Variants in PER1 observed in about 807,000 individuals in gnomAD.
PER1 encodes the protein period circadian protein homolog 1.
PER1 carries 87 observed loss-of-function variants against 125.9 expected under a neutral mutation model. The ratio of observed to expected loss-of-function variants is 0.69; its 90% CI spans 0.58 to 0.83. The LOEUF is 0.83. PER1 is among the 40% of genes least tolerant of loss of function. PER1 has a pLI of 0.00. For missense variants in PER1, 1,775 were observed against 1,722.8 expected (o/e 1.03, Z -0.54); for synonymous variants, 801 against 714.7 (o/e 1.12, Z -1.93).
intron 22 of PER1, 108 bp downstream of exon 22, chr17:8,141,695 AAC>A (rs1344715633): frequency 3.9e-6 from 4 of 1,022,668 alleles, no homozygotes; most frequent in Non-Finnish European, 3.7e-6. Context: ...CGATCCCTTG[AAC>A]TTGAGCTCAA....
chr17:8,149,082 G>T, intron 7 of PER1, 177 bp downstream of exon 7: 1 of 655,406 alleles, frequency 1.5e-6, no homozygotes, highest in Non-Finnish European at 2.7e-6. Context: ...CCAGCTACTT[G>T]GGAGGCTGAG....
rs1982128134 is a variant in PER1 at position 8,142,261 on chromosome 17, TG to T, written c.3449+7del. 6.4e-7 allele frequency: 1 copy of T among 1,574,792 alleles called. No individual in the cohort carries two copies. The highest frequency in any genetic ancestry group is 1.4e-5 in the African/African-American group (1 of 73,402). On this transcript the variant is annotated splice_region_variant and intron_variant, in intron 21 of 22. Coordinates refer to ENST00000317276, the MANE Select transcript of PER1 (RefSeq NM_002616.3). Reference sequence around the variant, plus strand: ...AGGAAGGCCAAGAAGGCCTCTGAAATGCCTCACCTGGAGGGCACCTGGTAGG... The same window carrying T: ...AGGAAGGCCAAGAAGGCCTCTGAAATCCTCACCTGGAGGGCACCTGGTAGG...
intron 18 of PER1, chr17:8,144,088 A>C: frequency 1.4e-6 from 1 of 692,776 alleles, no homozygotes; most frequent in Non-Finnish European, 2.2e-6. Flanking sequence ...AGAAAGGAAC[A>C]AGGCCAGGGA....
rs774212714 is a variant in PER1 at position 8,146,643 on chromosome 17, C to T, written c.1858G>A (p.Ala620Thr). Residue 620 changes from alanine to threonine, a missense_variant, in exon 15 of 23, where the codon GCC becomes ACC. By Grantham distance (58) the Ala-to-Thr change is moderately conservative (BLOSUM62 0). Coordinates refer to ENST00000317276, the MANE Select transcript of PER1 (RefSeq NM_002616.3). ...ATCTGCTGGTAGGAGCAGCTGGAGG[C>T]TTCTTTCCTCTCGGCCTCCTCAGGG... is the stretch of plus-strand genomic sequence containing the variant. ...LVPEEAERKE[A>T]SSCSYQQINC... 6.2e-7 allele frequency: 1 copy of T among 1,613,654 alleles called. No homozygotes were observed. Among genetic ancestry groups the T allele is most frequent in the Admixed American group, 1.7e-5 (1 of 59,972 alleles).
rs761721919 is a variant in PER1 at position 8,147,379 on chromosome 17, G to A, written c.1500C>T (p.Pro500=). 2.7e-5 allele frequency: 44 copies of A among 1,613,550 alleles called. No homozygotes were observed. In the South Asian group the frequency reaches 3.2e-4, roughly 12 times the overall value. Residue 500 remains proline (P), a splice_region_variant and synonymous_variant, in exon 13 of 23, where the codon CCC becomes CCT. Coordinates refer to ENST00000317276, the MANE Select transcript of PER1 (RefSeq NM_002616.3). ...SEQIHRLLLQ[P]VHSPSPTGLC... ...GTCCCGTGGGGCTGGGGCTGTGGAC[G>A]GGCTGCAGCAGGGAGAGGGCAGGTT...
intron 17 of PER1, 139 bp downstream of exon 17, chr17:8,145,819 A>C (rs1334174155): frequency 2.4e-5 from 22 of 915,736 alleles, no homozygotes; most frequent in Non-Finnish European, 3.3e-5. Flanking sequence ...GGAGAGCAAG[A>C]AGCAGTAGCC....
At chr17:8,148,307 C>G in intron 8 of PER1, 48 bp from the exon 9 acceptor site, 1 of 1,452,330 alleles carries the variant, frequency 6.9e-7, no homozygotes, top group Non-Finnish European at 9.6e-7. Flanking sequence ...GAATGCCCAA[C>G]TCCTCAGCCC....
intron 1 of PER1, among the ~76,000 whole-genome samples, chr17:8,152,060 A>G (rs2151862509): frequency 6.6e-6 from 1 of 152,230 alleles, no homozygotes; most frequent in South Asian, 2.1e-4. Flanking sequence ...GAGCAAGAAG[A>G]CCGGGGCATG....
At chr17:8,149,089 T>A (rs1982651565) in intron 7 of PER1, 170 bp downstream of exon 7, 1 of 673,102 alleles carries the variant, frequency 1.5e-6, no homozygotes, top group Admixed American at 2.5e-5. Flanking sequence ...CTTGGGAGGC[T>A]GAGGCAGGAG....
At chr17:8,151,005 G>C (rs545611280) in intron 1 of PER1, among the ~76,000 whole-genome samples, 160 bp from the exon 2 acceptor site, 15 of 152,284 alleles carry the variant, frequency 9.9e-5, no homozygotes, top group African/African-American at 3.6e-4. Flanking sequence ...GATGTCTCCT[G>C]TACCCTTAGG....
chr17:8,146,524 G>A lies in PER1; in HGVS notation c.1908-22C>T, dbSNP rs768931512. 1.8e-5 allele frequency: 29 copies of A among 1,609,184 alleles called. 1 individual carries two copies. The South Asian group carries it at 3.2e-4, about 18-fold the overall frequency. ...GTACCTGGGGATGGACACAGCACAG[G>A]GCATCAGAGCAGGGCTTGGGGTGGG... On this transcript the variant is annotated intron_variant, in intron 15 of 22. Transcript: ENST00000317276.
intron 17 of PER1, 77 bp downstream of exon 17, chr17:8,145,881 G>C: frequency 6.8e-7 from 1 of 1,478,828 alleles, no homozygotes; most frequent in Non-Finnish European, 9.1e-7. Context: ...CCCTAGAGGG[G>C]AGGGGAAAGG....
intron 16 of PER1, 102 bp downstream of exon 16, chr17:8,146,270 G>A (rs1241819367): frequency 1.7e-5 from 26 of 1,521,308 alleles, no homozygotes; most frequent in Non-Finnish European, 2.1e-5. Flanking sequence ...AGGCTGGGGA[G>A]GAGAGCAGGG....
intron 14 of PER1, 56 bp from the exon 15 acceptor site, chr17:8,146,821 C>T: frequency 6.2e-7 from 1 of 1,605,674 alleles, no homozygotes; most frequent in Non-Finnish European, 8.5e-7. Context: ...TGGAAAAAAA[C>T]AGCAAATGGG....
rs1982203577 is a variant in PER1 at position 8,143,368 on chromosome 17, C to G, written c.2970G>C (p.Glu990Asp). 1 of 1,613,318 alleles carries G rather than the reference C, an allele frequency of 6.2e-7. No homozygotes were observed. The highest frequency in any genetic ancestry group is 1.3e-5 in the African/African-American group (1 of 75,008). Residue 990 changes from glutamate (E) to aspartate (D), a missense_variant, in exon 19 of 23, where the codon GAG (glutamate) becomes GAC (aspartate). Physicochemically the swap from Glu to Asp is conservative, Grantham distance 45 (BLOSUM62 2). Transcript: ENST00000317276. ...CAGCCCCCTCAGCACGGGGGAGCTC[C>G]TCCAGCTGCAGCAGATTGAGCTGGA... ...SPLQLNLLQL[E>D]ELPRAEGAAV...
rs767949507 is a variant in PER1 at position 8,143,861 on chromosome 17, G to A, written c.2477C>T (p.Pro826Leu). The A allele has an allele frequency of 4.8e-5, 78 of 1,610,124 alleles. No individual in the cohort carries two copies. The highest frequency in any genetic ancestry group is 6.4e-5 in the Non-Finnish European group (76 of 1,179,012). ...GTGGTGTCGGCGGCTTGGGGGTGCG[G>A]GGCCGTGGTGGCAGCCTGTGGGGAG... Reference protein sequence around the residue: ...ALGERGCHHGPAPPSRRHHCR... With the variant: ...ALGERGCHHGLAPPSRRHHCR... Residue 826 changes from proline to leucine, a missense_variant, in exon 19 of 23, where the codon CCC becomes CTC. By Grantham distance (98) the Pro-to-Leu change is moderately conservative. Coordinates refer to ENST00000317276, the MANE Select transcript of PER1 (RefSeq NM_002616.3).
At position 8,143,435 on chromosome 17, in the gene PER1, C is replaced by A. The variant is rs3027193; in HGVS notation, c.2903G>T (p.Arg968Leu). 6.2e-7 allele frequency: 1 copy of A among 1,610,006 alleles called. No individual in the cohort carries two copies. Among genetic ancestry groups the A allele is most frequent in the South Asian group, 1.1e-5 (1 of 90,582 alleles). ...CGAGTTGAACAGTGGAGAGTCCGGG[C>A]GGTGAGGAGGACTCGGGGCGAGGGC... ...LPALAPSPPHRPDSPLFNSRC... is the reference protein window; with the variant it reads ...LPALAPSPPHLPDSPLFNSRC... The change falls in exon 19 of 23, where the codon CGC becomes CTC. Residue 968 changes from arginine (R) to leucine (L), a missense_variant. By Grantham distance (102) the Arg-to-Leu change is moderately radical. Coordinates refer to ENST00000317276, the MANE Select transcript of PER1 (RefSeq NM_002616.3).
intron 1 of PER1, among the ~76,000 whole-genome samples, chr17:8,151,824 C>T (rs942978022): frequency 2.0e-5 from 3 of 152,182 alleles, no homozygotes; most frequent in African/African-American, 7.2e-5. Flanking sequence ...TTCCCCTACT[C>T]CCCGTCCAAC....
At chr17:8,141,758 GAACTTGAGCTCAA>G in intron 22 of PER1, 34 bp downstream of exon 22, 1 of 1,284,666 alleles carries the variant, frequency 7.8e-7, no homozygotes, top group Admixed American at 2.8e-5. Flanking sequence ...TCTCCCCCTT[GAACTTGAGCTCAA>G]TTCTTTTTTC....
Sources: gnomAD v4.1 joint callset for allele counts (sites outside exome capture counted in the v4.1 genomes callset) on GRCh38, gnomAD v4.1.1 for gene constraint, MANE v1.5 for transcripts, NCBI Gene and HGNC (gene_info 2026-07-23, HGNC 2026-07-21) for gene names.